The following MORF4L1 variants were observed in gnomAD, a reference collection of about 807,000 sequenced individuals.
MORF4L1 encodes the protein mortality factor 4-like protein 1.
A neutral mutation model predicts 52.9 loss-of-function variants in MORF4L1; 4 were observed. The observed-to-expected ratio is 0.08, with a 90% CI of 0.04 to 0.17. The LOEUF is 0.17. Ranked by LOEUF, MORF4L1 falls within the 10% of genes least tolerant of loss-of-function variation. The pLI, the probability that MORF4L1 is intolerant of heterozygous loss-of-function variation, is 1.00. For missense variants in MORF4L1, 214 were observed against 390.4 expected, an observed-to-expected ratio of 0.55 and a Z score of 3.81; for synonymous variants, 123 against 134.8, an observed-to-expected ratio of 0.91 and a Z score of 0.61.
chr15:78,873,705 G>C (rs1247128839), intron 1 of MORF4L1: 1 of 154,564 alleles, frequency 6.5e-6, no homozygotes, highest in African/African-American at 2.4e-5. Context: ...GAAGGTTGCC[G>C]GGGCCCTCCG....
intron 5 of MORF4L1, among the ~76,000 whole-genome samples, chr15:78,890,133 T>C (rs2056773745): frequency 6.6e-6 from 1 of 151,986 alleles, no homozygotes; most frequent in African/African-American, 2.4e-5. Context: ...GGCAGGAGAA[T>C]CGCTTGAACC....
chr15:78,890,395 G>T (rs1314653569), intron 5 of MORF4L1, among the ~76,000 whole-genome samples: 41 of 150,764 alleles, frequency 2.7e-4, no homozygotes, highest in Non-Finnish European at 7.4e-5. Flanking sequence ...TTTTTTTTTG[G>T]TGGGCCTAAT....
Position 78,897,448 on chromosome 15 carries a change from C to T in MORF4L1, c.*381C>T, listed in dbSNP as rs987785665. 5.5e-6 allele frequency: 1 copy of T among 181,780 alleles called. No individual in the cohort carries two copies. The highest frequency in any genetic ancestry group is 1.2e-5 in the Non-Finnish European group (1 of 83,394). 11.3% of individuals were successfully genotyped at this position (181,780 alleles called of 1,614,324 possible). On this transcript the variant is annotated 3_prime_UTR_variant, in exon 12 of 12. Transcript: ENST00000426013. ...GATTCCTAGTGCCAAAGGTTCAATTCAGTGTATATAACTGAACACACTCAT... is the reference window on the plus strand; with the variant it reads ...GATTCCTAGTGCCAAAGGTTCAATTTAGTGTATATAACTGAACACACTCAT...
Position 78,897,769 on chromosome 15 carries a change from A to G in MORF4L1, c.*702A>G, listed in dbSNP as rs185408743. ...CTTGTGTTGATGCCTTACAAAAACC[A>G]TTGTATATTTGTGTATTCCTTCTTG... is the stretch of plus-strand genomic sequence containing the variant. On this transcript the variant is annotated 3_prime_UTR_variant, in exon 12 of 12. Coordinates refer to ENST00000426013, the MANE Select transcript of MORF4L1 (RefSeq NM_006791.4). 1 of 152,748 alleles carries G rather than the reference A, an allele frequency of 6.5e-6. No individual in the cohort carries two copies. Among genetic ancestry groups the G allele is most frequent in the Admixed American group, 6.5e-5 (1 of 15,294 alleles). The allele number at this position is 152,748 out of a possible 1,614,324, so 9.5% of individuals were successfully genotyped here. A position where few individuals can be genotyped will look rare whatever the true frequency, so the allele number is the denominator to read the frequency against.
chr15:78,886,268 T>G (rs1283349165), intron 4 of MORF4L1, 41 bp downstream of exon 4: 4 of 1,490,278 alleles, frequency 2.7e-6, no homozygotes. Context: ...GAGAAATGCC[T>G]GTAGATTAAT....
intron 7 of MORF4L1, 41 bp from the exon 8 acceptor site, chr15:78,892,171 A>G (rs2141482455): frequency 6.9e-7 from 1 of 1,442,576 alleles, no homozygotes; most frequent in Non-Finnish European, 9.7e-7. Flanking sequence ...GTATTTAGCA[A>G]GAAAGGTTAG....
At chr15:78,894,631 A>G (rs2056855376) in intron 10 of MORF4L1, 189 bp from the exon 11 acceptor site, 1 of 551,494 alleles carries the variant, frequency 1.8e-6, no homozygotes, top group East Asian at 3.0e-5. Flanking sequence ...GTGGTCTTGA[A>G]TACCTGACCT....
intron 1 of MORF4L1, 65 bp from the exon 2 acceptor site, chr15:78,878,148 C>T (rs1297202305): frequency 6.6e-7 from 1 of 1,512,526 alleles, no homozygotes; most frequent in Non-Finnish European, 9.0e-7. Flanking sequence ...TGATGACTCT[C>T]TAAGATGTTA....
chr15:78,894,160 A>G lies in MORF4L1; in HGVS notation c.732A>G (p.Glu244=). ...AATTTGAGAGACCACAGTATGCTGA[A>G]ATTCTTGCAGATCATCCCGATGCAC... ...LYKFERPQYA[E]ILADHPDAPM... The change falls in exon 10 of 12, where the codon GAA becomes GAG. Residue 244 remains glutamate (E), a synonymous_variant. Coordinates refer to ENST00000426013, the MANE Select transcript of MORF4L1 (RefSeq NM_006791.4). The G allele has an allele frequency of 6.2e-7, 1 of 1,614,086 alleles. No homozygotes were observed. The highest frequency in any genetic ancestry group is 8.5e-7 in the Non-Finnish European group (1 of 1,179,980).
Position 78,891,237 on chromosome 15 carries a change from C to T in MORF4L1, c.349+223C>T, listed in dbSNP as rs192960207. The T allele has an allele frequency of 2.2e-3, 1,470 of 670,028 alleles. 1 individual carries two copies. The highest frequency in any genetic ancestry group is 4.6e-3 in the Admixed American group (151 of 33,144). The allele number at this position is 670,028 out of a possible 1,614,324, so 41.5% of individuals were successfully genotyped here. A position where few individuals can be genotyped will look rare whatever the true frequency, so the allele number is the denominator to read the frequency against. On this transcript the variant is annotated intron_variant, in intron 6 of 11. Transcript: ENST00000426013. ...TTCATCTGCTTTAGTCTTAATGTCT[C>T]CCACTGAGAAGATAACATTTATAAA...
intron 1 of MORF4L1, chr15:78,876,421 TGTTTA>T (rs1046326356): frequency 5.1e-6 from 2 of 390,676 alleles, no homozygotes; most frequent in African/African-American, 4.2e-5. Context: ...TGTTTTGTTT[TGTTTA>T]GATTTTGAGA....
At chr15:78,886,693 C>G (rs1160281705) in intron 4 of MORF4L1, among the ~76,000 whole-genome samples, 1 of 152,166 alleles carries the variant, frequency 6.6e-6, no homozygotes, top group Non-Finnish European at 1.5e-5. Context: ...CAGTGGCTCA[C>G]GCCTGTAATC....
chr15:78,885,010 C>G, intron 3 of MORF4L1: 1 of 1,614,162 alleles, frequency 6.2e-7, no homozygotes. Context: ...TTTGAAGACA[C>G]ATGAGGATAT....
At position 78,891,004 on chromosome 15, in the gene MORF4L1, C is replaced by T; in HGVS notation, c.339C>T (p.Asn113=). 1.4e-6 allele frequency: 2 copies of T among 1,454,746 alleles called. No individual in the cohort carries two copies. The highest frequency in any genetic ancestry group is 1.3e-5 in the South Asian group (1 of 79,578). 90.1% of individuals were successfully genotyped at this position (1,454,746 alleles called of 1,614,324 possible). ...CTCCTTTTAGGAAAACGAAAAAGAA[C>T]AAACAGAAAAGTAAGAATATTAACT... ...QKNVEVKTKK[N]KQKTPGNGDG... Residue 113 remains asparagine (N), a synonymous_variant, in exon 6 of 12, where the codon AAC becomes AAT. Transcript: ENST00000426013.
chr15:78,873,759 A>G (rs1206924535), intron 1 of MORF4L1: 1 of 152,478 alleles, frequency 6.6e-6, no homozygotes, highest in Non-Finnish European at 1.5e-5. Context: ...AAAAAGTGAG[A>G]TGAGCGTTTT....
At chr15:78,891,687 A>G (rs1425782461) in intron 7 of MORF4L1, 115 bp downstream of exon 7, 1 of 788,598 alleles carries the variant, frequency 1.3e-6, no homozygotes, top group African/African-American at 1.8e-5. Context: ...TAATACCTGA[A>G]ATTAAAAATT....
At chr15:78,894,998 A>G (rs2056862924) in intron 11 of MORF4L1, 94 bp downstream of exon 11, 2 of 1,011,442 alleles carry the variant, frequency 2.0e-6, no homozygotes, top group African/African-American at 1.6e-5. Context: ...TAAACATTAT[A>G]TTGGTACAGG....
intron 1 of MORF4L1, among the ~76,000 whole-genome samples, chr15:78,875,621 T>C (rs572356902): frequency 6.9e-6 from 1 of 145,444 alleles, no homozygotes; most frequent in Admixed American, 6.9e-5. Flanking sequence ...ACCCAGTCTC[T>C]ACTAAAAATA....
At chr15:78,877,518 C>T (rs1001681421) in intron 1 of MORF4L1, among the ~76,000 whole-genome samples, 18 of 152,294 alleles carry the variant, frequency 1.2e-4, no homozygotes, top group African/African-American at 3.8e-4. Context: ...ATAATGTGTG[C>T]AAAATCTTTC....
Sources: gnomAD v4.1 joint callset for allele counts (sites outside exome capture counted in the v4.1 genomes callset) on GRCh38, gnomAD v4.1.1 for gene constraint, MANE v1.5 for transcripts, NCBI Gene and HGNC (gene_info 2026-07-23, HGNC 2026-07-21) for gene names.